SPC25: variants seen among roughly 807,000 people sequenced by gnomAD.
SPC25 encodes the protein kinetochore protein Spc25.
Under a neutral mutation model 29.6 loss-of-function variants are expected in SPC25, and 22 were observed. That is an observed-to-expected ratio of 0.74 (90% CI 0.53 to 1.06). The LOEUF (loss-of-function observed/expected upper bound fraction) is 1.06. Among genes scored for constraint, SPC25 ranks in the 50% least tolerant of loss-of-function variants. The pLI, the probability that SPC25 is intolerant of heterozygous loss-of-function variation, is 0.00. For synonymous variants in SPC25, 91 were observed against 90.4 expected, an observed-to-expected ratio of 1.01 and a Z score of -0.04; for missense variants, 230 against 255.8, an observed-to-expected ratio of 0.90 and a Z score of 0.69.
At chr2:168,867,519 C>A (rs1689888445), downstream of SPC25, among the ~76,000 whole-genome samples, 1 of 149,524 alleles carries the variant, frequency 6.7e-6, no homozygotes, top group Non-Finnish European at 1.5e-5. Context: ...CACATAGGCT[C>A]AAAATAAAGG....
chr2:168,887,185 C>T (rs1008756986), intron 3 of SPC25, among the ~76,000 whole-genome samples: 3 of 152,000 alleles, frequency 2.0e-5, no homozygotes, highest in African/African-American at 7.2e-5. Context: ...CTTTGGGAGG[C>T]CAAGGTGGGC....
At chr2:168,868,739 AG>A (rs1689919241), downstream of SPC25, among the ~76,000 whole-genome samples, 1 of 152,246 alleles carries the variant, frequency 6.6e-6, no homozygotes. Flanking sequence ...AAAAAAGTCC[AG>A]GACCAGATGG....
At chr2:168,889,000 T>TACACACAC (rs1690328886) in intron 3 of SPC25, among the ~76,000 whole-genome samples, 9 of 89,562 alleles carry the variant, frequency 1.0e-4, no homozygotes, top group Admixed American at 3.5e-4. Flanking sequence ...TGTATATATA[T>TACACACAC]ACACATATAT....
chr2:168,864,492 G>C (rs569119365), intron 4 of SPC25, among the ~76,000 whole-genome samples: 1 of 66,362 alleles, frequency 1.5e-5, no homozygotes, highest in East Asian at 6.1e-4. Context: ...CACCATGTTG[G>C]TCAGGCTGGT....
intron 3 of SPC25, among the ~76,000 whole-genome samples, chr2:168,884,636 G>A (rs1005020010): frequency 6.6e-6 from 1 of 151,942 alleles, no homozygotes; most frequent in Non-Finnish European, 1.5e-5. Flanking sequence ...TTTTAGTTTT[G>A]GTGACCTTCT....
At chr2:168,866,375 G>GAA (rs1353353057), downstream of SPC25, among the ~76,000 whole-genome samples, 2 of 152,396 alleles carry the variant, frequency 1.3e-5, no homozygotes, top group East Asian at 3.9e-4. Flanking sequence ...AAGCAATGGG[G>GAA]AAAGGATTCC....
chr2:168,870,025 C>G (rs916410566), downstream of SPC25, among the ~76,000 whole-genome samples: 1 of 152,150 alleles, frequency 6.6e-6, no homozygotes, highest in Non-Finnish European at 1.5e-5. Flanking sequence ...ACCAATGGAA[C>G]AGAACAGAGC....
At chr2:168,877,133 TA>T in intron 4 of SPC25, 104 bp downstream of exon 4, 1 of 1,256,816 alleles carries the variant, frequency 8.0e-7, no homozygotes, top group Non-Finnish European at 1.1e-6. Flanking sequence ...TGGGGTACTG[TA>T]ATCCATTTTT....
chr2:168,865,177 T>C, intron 4 of SPC25: 1 of 574,610 alleles, frequency 1.7e-6, no homozygotes, highest in East Asian at 3.1e-5. Flanking sequence ...AGGAAGAGGC[T>C]CCTTGGTTCC....
intron 4 of SPC25, among the ~76,000 whole-genome samples, chr2:168,862,390 G>C (rs1176995996): frequency 6.6e-6 from 1 of 152,224 alleles, no homozygotes; most frequent in Non-Finnish European, 1.5e-5. Context: ...GGCAACACAA[G>C]ATTTGAACTT....
Position 168,871,503 on chromosome 2 carries a change from T to G in SPC25, c.603A>C (p.Val201=). The G allele has an allele frequency of 6.2e-7, 1 of 1,610,268 alleles. No individual in the cohort carries two copies. Among genetic ancestry groups the G allele is most frequent in the Admixed American group, 1.7e-5 (1 of 59,572 alleles). ...LEGLAEFQEN[V]RKTNNFSAFL... ...AAGCTGAAAAATTGTTGGTCTTCCT[T>G]ACATTCTCTTGAAATTCTGCTAGGC... The change falls in exon 7 of 7, where the codon GTA becomes GTC. Residue 201 remains valine, a synonymous_variant. Coordinates refer to ENST00000282074, the MANE Select transcript of SPC25 (RefSeq NM_020675.4).
chr2:168,881,469 A>C (rs1690176924), intron 3 of SPC25, among the ~76,000 whole-genome samples: 1 of 152,172 alleles, frequency 6.6e-6, no homozygotes, highest in Non-Finnish European at 1.5e-5. Context: ...TTGCACAGAG[A>C]TGGTGTCCCC....
intron 3 of SPC25, 127 bp downstream of exon 3, chr2:168,889,099 A>C: frequency 2.0e-6 from 1 of 493,152 alleles, no homozygotes; most frequent in Non-Finnish European, 3.6e-6. Flanking sequence ...ATACACATAT[A>C]TATATACACA....
At chr2:168,872,061 G>T (rs1690003389) in intron 6 of SPC25, among the ~76,000 whole-genome samples, 1 of 151,392 alleles carries the variant, frequency 6.6e-6, no homozygotes, top group South Asian at 2.1e-4. Flanking sequence ...ACTGCAAACT[G>T]CCTCCTGGCT....
intron 3 of SPC25, among the ~76,000 whole-genome samples, chr2:168,887,612 A>G (rs1690293085): frequency 6.6e-6 from 1 of 152,148 alleles, no homozygotes; most frequent in Non-Finnish European, 1.5e-5. Context: ...CTAGTCTAAT[A>G]TTGTTTAAAA....
Position 168,888,295 on chromosome 2 carries a change from C to T in SPC25, c.199+931G>A, listed in dbSNP as rs191238758. Reference sequence around the variant, plus strand: ...CTGTCACCAGGCACGGTGGCTCACGCCTGTAATCCCAGCACTTTGGGAGGC... The same window carrying T: ...CTGTCACCAGGCACGGTGGCTCACGTCTGTAATCCCAGCACTTTGGGAGGC... On this transcript the variant is annotated intron_variant, in intron 3 of 6. Transcript: ENST00000282074. Among the ~76,000 whole-genome samples, 76 of 151,950 alleles carry T rather than the reference C, an allele frequency of 5.0e-4. No homozygotes were observed. In the East Asian group the frequency reaches 0.014, roughly 29 times the overall value.
chr2:168,873,666 T>C lies in SPC25; in HGVS notation c.469A>G (p.Ile157Val). The change falls in exon 6 of 7, where the codon ATT (isoleucine) becomes GTT (valine). Residue 157 changes from isoleucine to valine, a missense_variant. Ile to Val is a conservative substitution (Grantham distance 29, BLOSUM62 3). Transcript: ENST00000282074. ...TTCTTAGGGTCAATATTAGTGAAAA[T>C]AAACTGCAATTTCTCACCTGAAAAG... ...RKIYGEKLQF[I>V]FTNIDPKNPE... 1 of 1,610,468 alleles carries C rather than the reference T, an allele frequency of 6.2e-7. No homozygotes were observed. Among genetic ancestry groups the C allele is most frequent in the Non-Finnish European group, 8.5e-7 (1 of 1,177,372 alleles).
At chr2:168,863,328 G>GAAAATGTAGAAA in intron 4 of SPC25, 2 of 860,578 alleles carry the variant, frequency 2.3e-6, no homozygotes, top group African/African-American at 1.8e-5. Context: ...TTATGACTAA[G>GAAAATGTAGAAA]AAAATGTAGA....
chr2:168,888,523 C>G (rs559134130), intron 3 of SPC25, among the ~76,000 whole-genome samples: 1 of 152,190 alleles, frequency 6.6e-6, no homozygotes, highest in East Asian at 1.9e-4. Context: ...CCACTGCACT[C>G]CAGCCTGGGC....
Sources: gnomAD v4.1 joint callset for allele counts (sites outside exome capture counted in the v4.1 genomes callset) on GRCh38, gnomAD v4.1.1 for gene constraint, MANE v1.5 for transcripts, NCBI Gene and HGNC (gene_info 2026-07-23, HGNC 2026-07-21) for gene names.